Variants in DHRS4 observed in about 807,000 individuals in gnomAD.
DHRS4 encodes dehydrogenase/reductase SDR family member 4.
DHRS4 carries 20 observed loss-of-function variants against 28.4 expected under a neutral mutation model. The observed-to-expected ratio is 0.71, with a 90% CI of 0.50 to 1.02. DHRS4 has a LOEUF of 1.02. Ranked by LOEUF, DHRS4 falls within the 50% of genes least tolerant of loss-of-function variation. The pLI is 0.00. For synonymous variants in DHRS4, 144 were observed against 146.4 expected (o/e 0.98, Z 0.12); for missense variants, 378 against 367.2 (o/e 1.03, Z -0.24).
intron 3 of DHRS4, among the ~76,000 whole-genome samples, chr14:23,961,529 CT>C (rs546435038): frequency 0.061 from 5,417 of 89,036 alleles, 114 homozygotes; most frequent in African/African-American, 0.19. Flanking sequence ...GTCTTTTTTC[CT>C]TTTTTTTTTT....
intron 3 of DHRS4, among the ~76,000 whole-genome samples, chr14:23,963,107 G>A (rs1443520339): frequency 8.8e-6 from 1 of 113,404 alleles, no homozygotes; most frequent in Non-Finnish European, 1.7e-5. Flanking sequence ...AGGCTTTGTT[G>A]TTCCATTTGC....
At position 23,968,799 on chromosome 14, in the gene DHRS4, G is replaced by C; in HGVS notation, c.765G>C (p.Leu255=). ...PEDCAGIVSF[L]CSEDASYITG... The stretch of plus-strand genomic sequence containing the variant: ...ATTGTGCTGGCATCGTGTCTTTCCT[G>C]TGCTCTGAAGATGCCAGCTACATCA... Residue 255 remains leucine (L), a synonymous_variant, in exon 8 of 8, where the codon CTG becomes CTC. Coordinates refer to ENST00000313250, the MANE Select transcript of DHRS4 (RefSeq NM_021004.4). 6.2e-7 allele frequency: 1 copy of C among 1,609,778 alleles called. No homozygotes were observed. Among genetic ancestry groups the C allele is most frequent in the Non-Finnish European group, 8.5e-7 (1 of 1,178,116 alleles).
chr14:23,953,920 A>T lies in DHRS4; in HGVS notation c.128+4A>T. The T allele has an allele frequency of 6.3e-7, 1 of 1,580,766 alleles. No homozygotes were observed. Among genetic ancestry groups the T allele is most frequent in the Non-Finnish European group, 8.6e-7 (1 of 1,164,128 alleles). ...TGGTAACGGCCTCCACCGACGGGTG[A>T]GTGCTCCGGCCGGAGTTTCTGAGGC... is the stretch of plus-strand genomic sequence containing the variant. On this transcript the variant is annotated splice_donor_region_variant and intron_variant, in intron 1 of 7. Transcript: ENST00000313250.
chr14:23,958,379 G>A (rs552718159), intron 2 of DHRS4, among the ~76,000 whole-genome samples: 2 of 152,260 alleles, frequency 1.3e-5, no homozygotes, highest in African/African-American at 4.8e-5. Flanking sequence ...CCCGTGTACT[G>A]CAACTTGCCC....
At chr14:23,959,582 T>A (rs1566471858) in intron 2 of DHRS4, among the ~76,000 whole-genome samples, 1 of 152,054 alleles carries the variant, frequency 6.6e-6, no homozygotes, top group African/African-American at 2.4e-5. Flanking sequence ...CAACCTTAAA[T>A]GGTTAGCGGC....
At chr14:23,956,324 C>G (rs187463921) in intron 2 of DHRS4, among the ~76,000 whole-genome samples, 2 of 152,156 alleles carry the variant, frequency 1.3e-5, no homozygotes, top group African/African-American at 4.8e-5. Flanking sequence ...AAAATCCTCC[C>G]GGAAAAACAT....
In DHRS4 at chr14:23,968,885, G is replaced by C. The variant is rs772382348; in HGVS notation, c.*14G>C. On this transcript the variant is annotated 3_prime_UTR_variant, in exon 8 of 8. Coordinates refer to ENST00000313250, the MANE Select transcript of DHRS4 (RefSeq NM_021004.4). ...TCCCGCCTCTGAGGACCGGGAGACA[G>C]CCCACAGGCCAGAGTTGGGCTCTAG... 6 of 1,605,760 alleles carry C rather than the reference G, an allele frequency of 3.7e-6. No homozygotes were observed. In the South Asian group the frequency reaches 5.6e-5, roughly 15 times the overall value.
intron 1 of DHRS4, 142 bp from the exon 2 acceptor site, chr14:23,954,893 T>A (rs1431581307): frequency 7.1e-7 from 1 of 1,415,998 alleles, no homozygotes; most frequent in Non-Finnish European, 9.5e-7. Context: ...ATTAAGCCTG[T>A]TTTACACATA....
At position 23,965,849 on chromosome 14, in the gene DHRS4, A is replaced by G; in HGVS notation, c.479+17A>G. 6.2e-7 allele frequency: 1 copy of G among 1,607,008 alleles called. No homozygotes were observed. The highest frequency in any genetic ancestry group is 8.5e-7 in the Non-Finnish European group (1 of 1,176,270). On this transcript the variant is annotated intron_variant, in intron 4 of 7. Transcript: ENST00000313250. The stretch of plus-strand genomic sequence containing the variant: ...GAAACGAGGGTACAGAGAGTGAGAG[A>G]GAGCCTGGGTGAGAGGGGACACCAC...
intron 5 of DHRS4, 122 bp from the exon 6 acceptor site, chr14:23,966,161 G>C: frequency 6.3e-7 from 1 of 1,577,658 alleles, no homozygotes; most frequent in African/African-American, 1.4e-5. Context: ...CCACAAGACA[G>C]TTCCCTAACT....
rs1826709152 is a variant in DHRS4 at position 23,966,002 on chromosome 14, AC to A, written c.531+21del. 6.2e-7 allele frequency: 1 copy of A among 1,609,338 alleles called. No individual in the cohort carries two copies. The highest frequency in any genetic ancestry group is 1.3e-5 in the African/African-American group (1 of 74,286). On this transcript the variant is annotated intron_variant, in intron 5 of 7. Transcript: ENST00000313250. ...ATCTCCTGTAAGAACCCTTTTGTCTACCTCTTCCATCCCACCCTCCACTCCA... is the reference window on the plus strand; with the variant it reads ...ATCTCCTGTAAGAACCCTTTTGTCTACTCTTCCATCCCACCCTCCACTCCA...
At chr14:23,954,192 C>A (rs933101093) in intron 1 of DHRS4, 2 of 366,074 alleles carry the variant, frequency 5.5e-6, no homozygotes, top group Admixed American at 4.1e-5. Flanking sequence ...CTGGGCTGCC[C>A]CAGTCAACCA....
chr14:23,956,463 C>A (rs971422582), intron 2 of DHRS4, among the ~76,000 whole-genome samples: 1 of 152,062 alleles, frequency 6.6e-6, no homozygotes, highest in Admixed American at 6.5e-5. Flanking sequence ...GATAACTCTG[C>A]AAAATGAGCA....
intron 2 of DHRS4, among the ~76,000 whole-genome samples, chr14:23,958,168 T>C (rs149805904): frequency 0.095 from 14,379 of 152,054 alleles, 1,064 homozygotes; most frequent in Admixed American, 0.23. Flanking sequence ...GTATTAATAC[T>C]GGTTTTAAAA....
rs755614310 is a variant in DHRS4, at chr14:23,965,949, T to C, written c.497T>C (p.Ile166Thr). The C allele has an allele frequency of 6.2e-7, 1 of 1,609,714 alleles. No individual in the cohort carries two copies. Among genetic ancestry groups the C allele is most frequent in the Non-Finnish European group, 8.5e-7 (1 of 1,177,374 alleles). The change falls in exon 5 of 8, where the codon ATC becomes ACC. Residue 166 changes from isoleucine (I) to threonine (T), a missense_variant. By Grantham distance (89) the Ile-to-Thr change is moderately conservative. Transcript: ENST00000313250. ...TTTTCCAGAGGCGGCTCAGTGGTGATCGTGTCTTCCATAGCAGCCTTCAGT... is the reference window on the plus strand; with the variant it reads ...TTTTCCAGAGGCGGCTCAGTGGTGACCGTGTCTTCCATAGCAGCCTTCAGT... Reference protein sequence around the residue: ...MEKRGGGSVVIVSSIAAFSPS... With the variant: ...MEKRGGGSVVTVSSIAAFSPS...
At chr14:23,956,894 T>C (rs995919531) in intron 2 of DHRS4, among the ~76,000 whole-genome samples, 12 of 152,134 alleles carry the variant, frequency 7.9e-5, no homozygotes, top group Admixed American at 4.6e-4. Flanking sequence ...TGAGCCACTG[T>C]GCCCGGCCAT....
At chr14:23,956,475 A>C (rs2033160130) in intron 2 of DHRS4, among the ~76,000 whole-genome samples, 1 of 152,182 alleles carries the variant, frequency 6.6e-6, no homozygotes, top group Admixed American at 6.5e-5. Context: ...AAATGAGCAG[A>C]CAGCCAAGGA....
chr14:23,954,765 G>T (rs2033029635), intron 1 of DHRS4, among the ~76,000 whole-genome samples: 1 of 152,222 alleles, frequency 6.6e-6, no homozygotes, highest in Admixed American at 6.5e-5. Flanking sequence ...TCCCAAGAGG[G>T]GATGAAGCCT....
At chr14:23,966,114 C>T (rs533583799) in intron 5 of DHRS4, 131 bp downstream of exon 5, 6 of 1,592,370 alleles carry the variant, frequency 3.8e-6, no homozygotes, top group Non-Finnish European at 5.1e-6. Flanking sequence ...AAAATAGATG[C>T]CTTGCCTCCA....
Sources: gnomAD v4.1 joint callset for allele counts (sites outside exome capture counted in the v4.1 genomes callset) on GRCh38, gnomAD v4.1.1 for gene constraint, MANE v1.5 for transcripts, NCBI Gene and HGNC (gene_info 2026-07-23, HGNC 2026-07-21) for gene names.